KCND2: variants seen among roughly 807,000 people sequenced by gnomAD.
KCND2 encodes potassium voltage-gated channel subfamily D member 2.
A neutral mutation model predicts 54.4 loss-of-function variants in KCND2; 16 were observed. The ratio of observed to expected loss-of-function variants is 0.29; its 90% confidence interval spans 0.20 to 0.45. The LOEUF (loss-of-function observed/expected upper bound fraction) is 0.45. Among genes scored for constraint, KCND2 ranks in the 20% least tolerant of loss-of-function variants. KCND2 has a pLI of 1.00. For missense variants in KCND2, 486 were observed against 824.2 expected (o/e 0.59, Z 5.02); for synonymous variants, 317 against 310.7 (o/e 1.02, Z -0.21).
intron 1 of KCND2, among the ~76,000 whole-genome samples, chr7:120,384,998 C>CTTTTTTTTTTTTTTTTT (rs372225817): frequency 6.1e-5 from 5 of 82,512 alleles, no homozygotes; most frequent in Non-Finnish European, 6.3e-5. Flanking sequence ...TTGTATATAA[C>CTTTTTTTTTTTTTTTTT]TTTTTTTTTT....
At chr7:120,568,284 T>G (rs1792323082) in intron 1 of KCND2, among the ~76,000 whole-genome samples, 2 of 152,116 alleles carry the variant, frequency 1.3e-5, no homozygotes, top group African/African-American at 4.8e-5. Flanking sequence ...TGTGATTAGT[T>G]AAAAATTATT....
chr7:120,290,705 G>A (rs1311793013), intron 1 of KCND2, among the ~76,000 whole-genome samples: 1 of 151,828 alleles, frequency 6.6e-6, no homozygotes, highest in East Asian at 1.9e-4. Flanking sequence ...TCAATATCCT[G>A]TACATTAAGA....
intron 1 of KCND2, among the ~76,000 whole-genome samples, chr7:120,407,147 A>G (rs772879047): frequency 6.6e-6 from 1 of 152,006 alleles, no homozygotes; most frequent in Non-Finnish European, 1.5e-5. Flanking sequence ...GACAGAGACC[A>G]GATGAACCCC....
intron 1 of KCND2, among the ~76,000 whole-genome samples, chr7:120,305,724 A>G (rs1354504585): frequency 6.6e-6 from 1 of 152,160 alleles, no homozygotes; most frequent in Admixed American, 6.6e-5. Flanking sequence ...AATTGAATCC[A>G]AATGTGTCTG....
At chr7:120,312,228 G>A (rs760948896) in intron 1 of KCND2, among the ~76,000 whole-genome samples, 1 of 151,716 alleles carries the variant, frequency 6.6e-6, no homozygotes, top group African/African-American at 2.4e-5. Context: ...TTTTTTAAAT[G>A]ACCGCGTAGT....
intron 1 of KCND2, among the ~76,000 whole-genome samples, chr7:120,632,774 G>A (rs562858976): frequency 9.2e-5 from 14 of 152,134 alleles, no homozygotes; most frequent in African/African-American, 1.9e-4. Context: ...GCCCCAGATC[G>A]CACAGTGAAA....
intron 1 of KCND2, among the ~76,000 whole-genome samples, chr7:120,632,239 A>AT (rs1793242365): frequency 6.6e-6 from 1 of 152,232 alleles, no homozygotes; most frequent in South Asian, 2.1e-4. Context: ...ATTTGCTGTC[A>AT]TTAGTATGTA....
chr7:120,614,350 C>T lies in KCND2; in HGVS notation c.1116-118553C>T, dbSNP rs553736630. ...TTTTTAAAAGATTAAACTTAAAGCT[C>T]AATGCCTTAAACAGTTGGCACAGAG... On this transcript the variant is annotated intron_variant, in intron 1 of 5. Transcript: ENST00000331113. Among the ~76,000 whole-genome samples, 53 of 152,298 alleles carry T rather than the reference C, an allele frequency of 3.5e-4. 1 individual carries two copies. Among genetic ancestry groups the T allele is most frequent in the African/African-American group, 1.2e-3 (51 of 41,570 alleles).
intron 1 of KCND2, among the ~76,000 whole-genome samples, chr7:120,485,799 T>C (rs945614734): frequency 6.6e-6 from 1 of 152,216 alleles, no homozygotes; most frequent in African/African-American, 2.4e-5. Flanking sequence ...TATTTTTTGT[T>C]TCTCTTTTCT....
intron 1 of KCND2, among the ~76,000 whole-genome samples, chr7:120,409,436 A>G (rs771732114): frequency 6.6e-6 from 1 of 151,954 alleles, no homozygotes; most frequent in African/African-American, 2.4e-5. Flanking sequence ...TTGCTAGATA[A>G]TATACAAATG....
intron 1 of KCND2, among the ~76,000 whole-genome samples, chr7:120,627,156 C>T (rs369414388): frequency 6.6e-6 from 1 of 152,164 alleles, no homozygotes; most frequent in African/African-American, 2.4e-5. Context: ...TTCCACAAAC[C>T]CTTATTAAGC....
chr7:120,325,053 T>C (rs1799954435), intron 1 of KCND2, among the ~76,000 whole-genome samples: 1 of 144,398 alleles, frequency 6.9e-6, no homozygotes, highest in Non-Finnish European at 1.5e-5. Flanking sequence ...TTTTATTCTC[T>C]TTGAAGCAAT....
At chr7:120,450,348 G>A (rs1205570956) in intron 1 of KCND2, among the ~76,000 whole-genome samples, 3 of 152,166 alleles carry the variant, frequency 2.0e-5, no homozygotes, top group East Asian at 3.9e-4. Context: ...AGGTGAGGTT[G>A]CAGTGAGCCG....
chr7:120,309,716 T>G (rs976181416), intron 1 of KCND2, among the ~76,000 whole-genome samples: 1 of 151,986 alleles, frequency 6.6e-6, no homozygotes, highest in African/African-American at 2.4e-5. Context: ...TCTTATGTTA[T>G]GGACTTCTCT....
At chr7:120,554,982 T>G (rs1792146544) in intron 1 of KCND2, among the ~76,000 whole-genome samples, 1 of 152,188 alleles carries the variant, frequency 6.6e-6, no homozygotes, top group African/African-American at 2.4e-5. Flanking sequence ...TATGAAGTCC[T>G]GATTGGTCCC....
chr7:120,290,620 C>T (rs1357633091), intron 1 of KCND2, among the ~76,000 whole-genome samples: 1 of 151,846 alleles, frequency 6.6e-6, no homozygotes, highest in African/African-American at 2.4e-5. Context: ...GAAGCAATAG[C>T]CATATGGAGA....
intron 1 of KCND2, among the ~76,000 whole-genome samples, chr7:120,484,900 G>T (rs1562851889): frequency 6.6e-6 from 1 of 152,028 alleles, no homozygotes; most frequent in Non-Finnish European, 1.5e-5. Context: ...TTTTTTAAGA[G>T]ACAGGGTCTT....
intron 1 of KCND2, among the ~76,000 whole-genome samples, chr7:120,343,574 T>TA (rs1800272289): frequency 6.6e-6 from 1 of 152,164 alleles, no homozygotes; most frequent in African/African-American, 2.4e-5. Context: ...GAAATCCTCA[T>TA]ATGCAGATAG....
intron 1 of KCND2, among the ~76,000 whole-genome samples, chr7:120,565,214 C>G (rs1382892895): frequency 6.6e-6 from 1 of 152,160 alleles, no homozygotes; most frequent in Non-Finnish European, 1.5e-5. Context: ...TTCTGCCATG[C>G]TTTTCTGTGA....
Sources: allele counts gnomAD v4.1 joint callset (sites outside exome capture counted in the v4.1 genomes callset), GRCh38; gene constraint gnomAD v4.1.1; transcripts MANE v1.5; gene names NCBI Gene and HGNC (gene_info 2026-07-23, HGNC 2026-07-21).